The following ZBBX variants were observed in gnomAD, a reference collection of about 807,000 sequenced individuals.
The protein encoded by ZBBX is zinc finger B-box domain-containing protein 1.
Under a neutral mutation model 108.5 loss-of-function variants are expected in ZBBX, and 101 were observed. The ratio of observed to expected loss-of-function variants is 0.93; its 90% CI spans 0.79 to 1.10. The LOEUF (loss-of-function observed/expected upper bound fraction) is 1.10. Ranked by LOEUF, ZBBX falls within the 50% of genes least tolerant of loss-of-function variation. The probability of loss-of-function intolerance (pLI) is 0.00; values close to 1 mark genes in which losing one functional copy is unlikely to be tolerated. For missense variants in ZBBX, 1,009 were observed against 941.4 expected (o/e 1.07, Z -0.94); for synonymous variants, 356 against 323.4 (o/e 1.10, Z -1.08).
At chr3:167,389,374 A>G (rs1426977274) in intron 1 of ZBBX, among the ~76,000 whole-genome samples, 3 of 152,112 alleles carry the variant, frequency 2.0e-5, no homozygotes, top group Non-Finnish European at 4.4e-5. Context: ...TATCCAGTCT[A>G]TCACTGATGG....
At chr3:167,406,551 T>G (rs1748594092) in intron 1 of ZBBX, among the ~76,000 whole-genome samples, 1 of 152,126 alleles carries the variant, frequency 6.6e-6, no homozygotes, top group Non-Finnish European at 1.5e-5. Context: ...AAACCCCATC[T>G]CTACCCAAAT....
the ZBBX span, among the ~76,000 whole-genome samples, chr3:167,182,249 A>C: frequency 6.6e-6 from 1 of 152,180 alleles, no homozygotes; most frequent in Non-Finnish European, 1.5e-5. Flanking sequence ...AGCATTATGC[A>C]GATTACCTCC....
chr3:167,332,313 A>C (rs1738788100), intron 10 of ZBBX, among the ~76,000 whole-genome samples: 1 of 151,326 alleles, frequency 6.6e-6, no homozygotes, highest in Admixed American at 6.6e-5. Context: ...ACACGTCTGA[A>C]CCCCACCCAC....
intron 16 of ZBBX, 138 bp from the exon 17 acceptor site, chr3:167,306,088 G>T: frequency 3.2e-6 from 2 of 627,940 alleles, no homozygotes; most frequent in South Asian, 3.5e-5. Flanking sequence ...TGATGTTTTA[G>T]TGTTAAAATA....
At chr3:167,346,198 A>C (rs904915798) in intron 9 of ZBBX, among the ~76,000 whole-genome samples, 1 of 141,938 alleles carries the variant, frequency 7.0e-6, no homozygotes, top group Admixed American at 7.4e-5. Context: ...TAGAAGTAAA[A>C]TTTTAATCCT....
the ZBBX span, among the ~76,000 whole-genome samples, chr3:167,228,899 G>A: frequency 1.3e-5 from 2 of 151,704 alleles, no homozygotes; most frequent in Non-Finnish European, 2.9e-5. Flanking sequence ...TCCCACGAAT[G>A]AGTGGAACTC....
intron 10 of ZBBX, among the ~76,000 whole-genome samples, chr3:167,329,799 G>A (rs1738106436): frequency 6.6e-6 from 1 of 152,114 alleles, no homozygotes; most frequent in Non-Finnish European, 1.5e-5. Context: ...GCACAGAGGA[G>A]CTTAAACCCA....
chr3:167,265,112 C>A (rs1401930396), intron 20 of ZBBX, among the ~76,000 whole-genome samples: 1 of 152,090 alleles, frequency 6.6e-6, no homozygotes, highest in Non-Finnish European at 1.5e-5. Context: ...GACAAAGTCC[C>A]CTTTACTTTT....
intron 1 of ZBBX, chr3:167,399,477 T>C (rs1362384002): frequency 6.6e-6 from 1 of 152,066 alleles, no homozygotes; most frequent in Admixed American, 6.6e-5. Flanking sequence ...AAAATTAACA[T>C]ATACTGTTAT....
intron 1 of ZBBX, among the ~76,000 whole-genome samples, chr3:167,390,525 A>G (rs558402397): frequency 6.6e-6 from 1 of 151,508 alleles, no homozygotes; most frequent in Admixed American, 6.6e-5. Flanking sequence ...TAATTCTTTG[A>G]AGAAAGCCAA....
At chr3:167,313,603 T>A (rs1180823770) in intron 16 of ZBBX, among the ~76,000 whole-genome samples, 2 of 152,058 alleles carry the variant, frequency 1.3e-5, no homozygotes, top group Non-Finnish European at 2.9e-5. Context: ...TTATTTTGGT[T>A]CATCTCTCAT....
At chr3:167,271,658 CCA>C (rs1726542796) in intron 20 of ZBBX, among the ~76,000 whole-genome samples, 1 of 152,052 alleles carries the variant, frequency 6.6e-6, no homozygotes, top group South Asian at 2.1e-4. Context: ...TATACCTTGG[CCA>C]AACAAGTCAT....
chr3:167,212,197 G>A, the ZBBX span, among the ~76,000 whole-genome samples: 1 of 152,128 alleles, frequency 6.6e-6, no homozygotes, highest in Non-Finnish European at 1.5e-5. Context: ...AAAATCCGAT[G>A]TGACTAAGGA....
chr3:167,273,510 A>C (rs950438838), intron 20 of ZBBX, among the ~76,000 whole-genome samples: 1 of 152,090 alleles, frequency 6.6e-6, no homozygotes, highest in Non-Finnish European at 1.5e-5. Context: ...TCTTCTGCTC[A>C]TTTCACCTCG....
At chr3:167,300,898 G>A (rs1038155723) in intron 17 of ZBBX, among the ~76,000 whole-genome samples, 2 of 149,140 alleles carry the variant, frequency 1.3e-5, no homozygotes, top group African/African-American at 2.5e-5. Context: ...TTACAGGCGT[G>A]AGCCACTGTG....
chr3:167,381,173 A>T (rs1366384521), upstream of ZBBX, among the ~76,000 whole-genome samples: 1 of 151,020 alleles, frequency 6.6e-6, no homozygotes, highest in African/African-American at 2.4e-5. Flanking sequence ...ATACCCATTT[A>T]AAAAAAAATA....
At chr3:167,227,368 C>A in the ZBBX span, among the ~76,000 whole-genome samples, 1 of 151,564 alleles carries the variant, frequency 6.6e-6, no homozygotes, top group African/African-American at 2.4e-5. Flanking sequence ...TAAGAGAAGC[C>A]TTTAGGAAGG....
At chr3:167,374,093 G>C (rs754924733) in intron 2 of ZBBX, among the ~76,000 whole-genome samples, 39 of 151,996 alleles carry the variant, frequency 2.6e-4, no homozygotes, top group Non-Finnish European at 4.4e-4. Flanking sequence ...CGTGCAGAGA[G>C]AAACGAAAAG....
At chr3:167,281,186 T>C (rs2108521652) in intron 20 of ZBBX, among the ~76,000 whole-genome samples, 1 of 152,260 alleles carries the variant, frequency 6.6e-6, no homozygotes. Flanking sequence ...CGCGCCAGCA[T>C]GGCACATGTA....
Sources: gnomAD v4.1 joint callset for allele counts (sites outside exome capture counted in the v4.1 genomes callset) on GRCh38, gnomAD v4.1.1 for gene constraint, MANE v1.5 for transcripts, NCBI Gene and HGNC (gene_info 2026-07-23, HGNC 2026-07-21) for gene names.